PXDNL: variants seen among roughly 807,000 people sequenced by gnomAD.
PXDNL encodes the protein probable oxidoreductase PXDNL.
A neutral mutation model predicts 150.8 loss-of-function variants in PXDNL; 145 were observed. The observed-to-expected ratio is 0.96, with a 90% CI of 0.84 to 1.10. The LOEUF is 1.10. PXDNL is among the 50% of genes least tolerant of loss of function. The probability of loss-of-function intolerance (pLI) is 0.00; values close to 1 mark genes in which losing one functional copy is unlikely to be tolerated. For missense variants in PXDNL, 2,087 were observed against 1,873.9 expected, an observed-to-expected ratio of 1.11 and a Z score of -2.10; for synonymous variants, 757 against 725.7, an observed-to-expected ratio of 1.04 and a Z score of -0.69.
At chr8:51,563,247 G>A (rs1812753097) in intron 3 of PXDNL, among the ~76,000 whole-genome samples, 1 of 152,002 alleles carries the variant, frequency 6.6e-6, no homozygotes, top group Non-Finnish European at 1.5e-5. Context: ...TCTAGAGGCT[G>A]CAAAGTCCAA....
intron 19 of PXDNL, among the ~76,000 whole-genome samples, chr8:51,368,264 T>C (rs1346869293): frequency 6.6e-6 from 1 of 152,210 alleles, no homozygotes; most frequent in Admixed American, 6.5e-5. Flanking sequence ...TACAAACCCA[T>C]AGCCTTACAG....
intron 3 of PXDNL, among the ~76,000 whole-genome samples, chr8:51,557,396 A>C (rs942093533): frequency 1.3e-5 from 2 of 152,176 alleles, no homozygotes; most frequent in African/African-American, 4.8e-5. Flanking sequence ...AGGGAAGAAT[A>C]CTATAAATGG....
intron 9 of PXDNL, 132 bp downstream of exon 9, chr8:51,457,366 T>C: frequency 1.3e-6 from 1 of 773,678 alleles, no homozygotes; most frequent in Non-Finnish European, 1.9e-6. Flanking sequence ...TTCAAGTTTC[T>C]CTAAAACAAA....
intron 19 of PXDNL, among the ~76,000 whole-genome samples, chr8:51,369,068 T>C (rs994720842): frequency 3.3e-5 from 5 of 152,078 alleles, no homozygotes; most frequent in South Asian, 2.1e-4. Context: ...GAGAGTGAGA[T>C]TAGCAAAGGA....
intron 4 of PXDNL, among the ~76,000 whole-genome samples, chr8:51,547,103 C>T (rs908872904): frequency 5.9e-5 from 9 of 152,132 alleles, no homozygotes; most frequent in East Asian, 1.9e-4. Flanking sequence ...CTTTTGGGAG[C>T]TCTATGGCCC....
chr8:51,570,340 G>A (rs1812908162), intron 3 of PXDNL, among the ~76,000 whole-genome samples: 1 of 151,822 alleles, frequency 6.6e-6, no homozygotes, highest in Admixed American at 6.6e-5. Flanking sequence ...TAGGCTCTTG[G>A]CGAAATTGTT....
chr8:51,639,495 A>G (rs1814691389), intron 2 of PXDNL, among the ~76,000 whole-genome samples: 1 of 152,164 alleles, frequency 6.6e-6, no homozygotes, highest in African/African-American at 2.4e-5. Flanking sequence ...AATCAAATAG[A>G]CGCATTAAAA....
chr8:51,444,369 C>T (rs750105869), intron 12 of PXDNL, among the ~76,000 whole-genome samples: 1 of 152,160 alleles, frequency 6.6e-6, no homozygotes, highest in Non-Finnish European at 1.5e-5. Context: ...CCTCAACCAG[C>T]AACCACAGAA....
intron 1 of PXDNL, among the ~76,000 whole-genome samples, chr8:51,762,586 C>A (rs2037177207): frequency 6.6e-6 from 1 of 152,226 alleles, no homozygotes; most frequent in African/African-American, 2.4e-5. Context: ...TAATTGTCAA[C>A]CAGACAATAT....
At chr8:51,808,063 GATAAT>G (rs1173081090) in intron 1 of PXDNL, among the ~76,000 whole-genome samples, 8 of 152,142 alleles carry the variant, frequency 5.3e-5, no homozygotes, top group Admixed American at 1.3e-4. Context: ...AAAATCTATG[GATAAT>G]ATGTCATTTT....
At position 51,809,314 on chromosome 8, in the gene PXDNL, G is replaced by C. The variant is rs2037710422; in HGVS notation, c.31C>G (p.Leu11Val). Reference protein sequence around the residue: MEPRLFCWTTLFLLAGWCLPG... With the variant: MEPRLFCWTTVFLLAGWCLPG... ...AGGCACCACCCGGCCAGGAGAAAGA[G>C]AGTGGTCCAGCAGAACAGTCTGGGC... Residue 11 changes from leucine (L) to valine (V), a missense_variant, in exon 1 of 23, where the codon CTC (leucine) becomes GTC (valine). Coordinates refer to ENST00000356297, the MANE Select transcript of PXDNL (RefSeq NM_144651.5). The C allele has an allele frequency of 6.4e-7, 1 of 1,568,894 alleles. No individual in the cohort carries two copies. The highest frequency in any genetic ancestry group is 8.6e-7 in the Non-Finnish European group (1 of 1,156,964).
chr8:51,329,532 A>C (rs2130636340), intron 21 of PXDNL, among the ~76,000 whole-genome samples: 1 of 152,362 alleles, frequency 6.6e-6, no homozygotes, highest in East Asian at 1.9e-4. Flanking sequence ...CAGTTTTAAG[A>C]GGCAAAACAA....
chr8:51,498,297 G>A (rs1462832603), intron 5 of PXDNL, among the ~76,000 whole-genome samples: 1 of 128,326 alleles, frequency 7.8e-6, no homozygotes, highest in Admixed American at 8.2e-5. Flanking sequence ...CGGGGGAGGG[G>A]GGAGGGATAG....
At chr8:51,521,163 G>A (rs1811655083) in intron 4 of PXDNL, among the ~76,000 whole-genome samples, 1 of 152,156 alleles carries the variant, frequency 6.6e-6, no homozygotes, top group African/African-American at 2.4e-5. Context: ...GATCGCTTGA[G>A]CCCAGGAGTA....
chr8:51,534,333 A>AC, intron 4 of PXDNL, among the ~76,000 whole-genome samples: 1 of 137,174 alleles, frequency 7.3e-6, no homozygotes, highest in South Asian at 2.4e-4. Flanking sequence ...CCCGGCAGCC[A>AC]CCCCGTCCGG....
intron 3 of PXDNL, among the ~76,000 whole-genome samples, chr8:51,561,815 T>C (rs10103686): frequency 0.32 from 48,914 of 151,768 alleles, 11,066 homozygotes; most frequent in African/African-American, 0.64. Flanking sequence ...TGTGAATATA[T>C]TGAATAATAC....
At chr8:51,388,035 G>A (rs1194068168) in intron 17 of PXDNL, among the ~76,000 whole-genome samples, 2 of 152,098 alleles carry the variant, frequency 1.3e-5, no homozygotes, top group Non-Finnish European at 2.9e-5. Flanking sequence ...CCAGAGGCAT[G>A]CTAATTTCAG....
Position 51,446,205 on chromosome 8 carries a change from G to A in PXDNL, c.1525+799C>T, listed in dbSNP as rs7814708. Among the ~76,000 whole-genome samples, 1,490 of 152,332 alleles carry A rather than the reference G, an allele frequency of 9.8e-3. 23 individuals are homozygous for A. The highest frequency in any genetic ancestry group is 0.034 in the African/African-American group (1,426 of 41,572). On this transcript the variant is annotated intron_variant, in intron 12 of 22. Coordinates refer to ENST00000356297, the MANE Select transcript of PXDNL (RefSeq NM_144651.5). ...CACCTACGTTGATGCATGCAGCAGA[G>A]CTTTGCTTTTCCTTCTCCTATGCTC...
chr8:51,468,063 G>A (rs1810241448), intron 8 of PXDNL, among the ~76,000 whole-genome samples: 1 of 151,996 alleles, frequency 6.6e-6, no homozygotes, highest in Admixed American at 6.6e-5. Context: ...TTGGCTATGA[G>A]TTGAGATTTT....
Sources: gnomAD v4.1 joint callset for allele counts (sites outside exome capture counted in the v4.1 genomes callset) on GRCh38, gnomAD v4.1.1 for gene constraint, MANE v1.5 for transcripts, NCBI Gene and HGNC (gene_info 2026-07-23, HGNC 2026-07-21) for gene names.